Variants in CSTPP1 observed in about 807,000 individuals in gnomAD.
CSTPP1 encodes the protein centriolar satellite-associated tubulin polyglutamylase complex regulator 1.
At chr11:46,948,779 C>T in the CSTPP1 span, among the ~76,000 whole-genome samples, 1 of 152,162 alleles carries the variant, frequency 6.6e-6, no homozygotes, top group Admixed American at 6.5e-5. Flanking sequence ...GAAATGATAA[C>T]AATAAACTTC....
At chr11:47,038,026 C>G in the CSTPP1 span, among the ~76,000 whole-genome samples, 1 of 115,496 alleles carries the variant, frequency 8.7e-6, no homozygotes, top group Non-Finnish European at 2.1e-5. Flanking sequence ...GGCAGAGGGG[C>G]TCCTCACTTC....
At chr11:47,103,007 A>AT in the CSTPP1 span, among the ~76,000 whole-genome samples, 1 of 151,194 alleles carries the variant, frequency 6.6e-6, no homozygotes, top group East Asian at 1.9e-4. Flanking sequence ...AAAAAAAAAA[A>AT]GCCAGATTGG....
the CSTPP1 span, among the ~76,000 whole-genome samples, chr11:47,088,623 T>G: frequency 3.3e-5 from 5 of 152,214 alleles, no homozygotes; most frequent in African/African-American, 1.2e-4. Context: ...CTCAGCTCAC[T>G]GCAACCTCCA....
the CSTPP1 span, chr11:47,156,931 G>A: frequency 3.7e-6 from 5 of 1,359,624 alleles, no homozygotes; most frequent in East Asian, 7.3e-5. Context: ...GTGGAACTGG[G>A]CTGACAGAGA....
the CSTPP1 span, among the ~76,000 whole-genome samples, chr11:46,991,336 C>A: frequency 2.0e-5 from 3 of 151,624 alleles, no homozygotes; most frequent in Admixed American, 6.6e-5. Context: ...AAGTTCTTTT[C>A]AATGAAATCT....
the CSTPP1 span, chr11:46,991,405 G>A: frequency 9.2e-5 from 14 of 152,142 alleles, no homozygotes; most frequent in African/African-American, 2.9e-4. Flanking sequence ...TGGGAGTAAA[G>A]TTGTTCCTTT....
At chr11:47,013,075 TATA>T in the CSTPP1 span, among the ~76,000 whole-genome samples, 1 of 147,406 alleles carries the variant, frequency 6.8e-6, no homozygotes, top group East Asian at 2.0e-4. Flanking sequence ...TATATTTTAT[TATA>T]TAAATAACAT....
chr11:47,001,900 G>T, the CSTPP1 span, among the ~76,000 whole-genome samples: 2 of 152,090 alleles, frequency 1.3e-5, no homozygotes, highest in Admixed American at 1.3e-4. Context: ...CCAAGACTTC[G>T]CTGATTTCCA....
At chr11:47,114,723 G>A in the CSTPP1 span, among the ~76,000 whole-genome samples, 2 of 152,204 alleles carry the variant, frequency 1.3e-5, no homozygotes, top group Non-Finnish European at 2.9e-5. Context: ...AGCTTAAAGA[G>A]ATTTTGGGCT....
chr11:47,090,484 GAC>G, the CSTPP1 span, among the ~76,000 whole-genome samples: 1 of 151,886 alleles, frequency 6.6e-6, no homozygotes, highest in Non-Finnish European at 1.5e-5. Context: ...AAACAGTTTT[GAC>G]ACTCAAGTAG....
chr11:46,980,060 T>G, the CSTPP1 span, among the ~76,000 whole-genome samples: 1 of 151,984 alleles, frequency 6.6e-6, no homozygotes, highest in African/African-American at 2.4e-5. Context: ...AAACTATATA[T>G]AAAACAAACA....
chr11:47,163,789 C>A, the CSTPP1 span, among the ~76,000 whole-genome samples: 365 of 152,068 alleles, frequency 2.4e-3, 1 homozygote, highest in African/African-American at 8.0e-3. Context: ...TACAGGCATG[C>A]ACCACACCGC....
the CSTPP1 span, among the ~76,000 whole-genome samples, chr11:47,159,463 T>A: frequency 6.6e-6 from 1 of 150,854 alleles, no homozygotes; most frequent in African/African-American, 2.4e-5. Flanking sequence ...TGAGCCGAGA[T>A]CACGCCATTG....
the CSTPP1 span, among the ~76,000 whole-genome samples, chr11:47,119,300 A>T: frequency 1.3e-5 from 2 of 152,246 alleles, no homozygotes; most frequent in Non-Finnish European, 2.9e-5. Context: ...GCCAGTTGCT[A>T]AGACCTTGGG....
the CSTPP1 span, among the ~76,000 whole-genome samples, chr11:47,151,998 T>C: frequency 6.6e-6 from 1 of 152,092 alleles, no homozygotes; most frequent in African/African-American, 2.4e-5. Context: ...GGTAGGGTAC[T>C]CAGGAAAGAT....
At chr11:47,103,325 G>C in the CSTPP1 span, among the ~76,000 whole-genome samples, 5 of 151,828 alleles carry the variant, frequency 3.3e-5, no homozygotes, top group Non-Finnish European at 5.9e-5. Flanking sequence ...GCTTGAGCCT[G>C]GGAGGTGGGG....
the CSTPP1 span, chr11:47,041,017 TG>T: frequency 6.8e-6 from 1 of 147,604 alleles, no homozygotes; most frequent in South Asian, 1.2e-4. Context: ...GGGCTGGCAG[TG>T]GTGCTGCTGG....
At chr11:46,955,554 G>A in the CSTPP1 span, among the ~76,000 whole-genome samples, 3 of 151,654 alleles carry the variant, frequency 2.0e-5, no homozygotes, top group African/African-American at 4.8e-5. Context: ...CAGCAGAGAC[G>A]GGGTTTCACC....
the CSTPP1 span, among the ~76,000 whole-genome samples, chr11:47,145,579 T>C: frequency 6.6e-6 from 1 of 152,180 alleles, no homozygotes; most frequent in Non-Finnish European, 1.5e-5. Context: ...ACCATTGCAC[T>C]CCAGCCTGGG....
Sources: allele counts gnomAD v4.1 joint callset (sites outside exome capture counted in the v4.1 genomes callset), GRCh38; gene constraint gnomAD v4.1.1; transcripts MANE v1.5; gene names NCBI Gene and HGNC (gene_info 2026-07-23, HGNC 2026-07-21).